TOP1MT: variants seen among roughly 807,000 people sequenced by gnomAD.
The protein encoded by TOP1MT is DNA topoisomerase I mitochondrial, also known as DNA topoisomerase I, mitochondrial.
TOP1MT carries 80 observed loss-of-function variants against 73.9 expected under a neutral mutation model. That is an observed-to-expected ratio of 1.08 (90% CI 0.90 to 1.30). The LOEUF (loss-of-function observed/expected upper bound fraction) is 1.30, where lower values mean the gene tolerates loss of function less well. TOP1MT is among the 50% of genes most tolerant of loss of function. The probability of loss-of-function intolerance (pLI) is 0.00; values close to 1 mark genes in which losing one functional copy is unlikely to be tolerated. For missense variants in TOP1MT, 815 were observed against 808.0 expected (o/e 1.01, Z -0.10); for synonymous variants, 338 against 326.4 (o/e 1.04, Z -0.38).
upstream of TOP1MT, among the ~76,000 whole-genome samples, chr8:143,335,703 T>C (rs1816970533): frequency 6.6e-6 from 1 of 152,182 alleles, no homozygotes; most frequent in Admixed American, 6.5e-5. Context: ...ACCAGGACCG[T>C]GGGAAGCAGA....
intron 2 of TOP1MT, among the ~76,000 whole-genome samples, chr8:143,330,802 C>T (rs887066078): frequency 5.3e-5 from 8 of 152,154 alleles, no homozygotes; most frequent in African/African-American, 1.2e-4. Context: ...GGTGGCTCAG[C>T]GCTCATGTCA....
chr8:143,351,388 C>T (rs1055101100), intron 1 of TOP1MT, among the ~76,000 whole-genome samples: 1 of 152,060 alleles, frequency 6.6e-6, no homozygotes, highest in African/African-American at 2.4e-5. Context: ...GCCCAGCCAA[C>T]ATGGCGAAAC....
chr8:143,342,472 T>G (rs1314179883), intron 2 of TOP1MT, among the ~76,000 whole-genome samples: 1 of 123,968 alleles, frequency 8.1e-6, no homozygotes, highest in Non-Finnish European at 1.5e-5. Flanking sequence ...GCTCTGTTAT[T>G]ATTATTATTA....
In TOP1MT at chr8:143,332,607, A is replaced by AG. The variant is rs1168497482; in HGVS notation, c.123-1269dup. 3.1e-6 allele frequency: 4 copies of AG among 1,277,492 alleles called. No individual in the cohort carries two copies. In the Admixed American group the frequency reaches 6.9e-5, roughly 22 times the overall value. 79.1% of individuals were successfully genotyped at this position (1,277,492 alleles called of 1,614,324 possible). A position where few individuals can be genotyped will look rare whatever the true frequency, so the allele number is the denominator to read the frequency against. On this transcript the variant is annotated intron_variant, in intron 1 of 13. Coordinates refer to ENST00000329245, the MANE Select transcript of TOP1MT (RefSeq NM_052963.3). The stretch of plus-strand genomic sequence containing the variant: ...ACAGGAAGTCTCTGAAGGGTCTGAG[A>AG]GGGGAAAGCATGTGCAACAGACATT...
chr8:143,331,347 CG>C lies in TOP1MT; in HGVS notation c.123-9del, dbSNP rs1438543494. Reference sequence around the variant, plus strand: ...TGCTTCTCCTTCTCCCACCTAAAGACGGAGACAGGACGTGTCACTCTCCTGG... The same window carrying C: ...TGCTTCTCCTTCTCCCACCTAAAGACGAGACAGGACGTGTCACTCTCCTGG... On this transcript the variant is annotated splice_polypyrimidine_tract_variant and intron_variant, in intron 1 of 13. Transcript: ENST00000329245. 1 of 1,607,568 alleles carries C rather than the reference CG, an allele frequency of 6.2e-7. No individual in the cohort carries two copies. The highest frequency in any genetic ancestry group is 1.7e-5 in the Admixed American group (1 of 59,694).
chr8:143,317,190 A>G (rs1318302011), intron 10 of TOP1MT, among the ~76,000 whole-genome samples: 3 of 152,200 alleles, frequency 2.0e-5, no homozygotes, highest in Non-Finnish European at 2.9e-5. Flanking sequence ...GACATCACAG[A>G]GCAGCCCGGA....
chr8:143,315,265 TCCTGTACA>T (rs921557475), intron 12 of TOP1MT, among the ~76,000 whole-genome samples: 1 of 152,204 alleles, frequency 6.6e-6, no homozygotes, highest in African/African-American at 2.4e-5. Flanking sequence ...TCATGTTCCA[TCCTGTACA>T]CCTGGCTCTG....
chr8:143,322,917 A>ACACGCACGCCACACACGCACGC (rs2130147782), intron 7 of TOP1MT, among the ~76,000 whole-genome samples: 1 of 10,920 alleles, frequency 9.2e-5, no homozygotes, highest in Non-Finnish European at 1.9e-4. Context: ...CACGCACGCC[A>ACACGCACGCCACACACGCACGC]CACACGCACG....
At chr8:143,357,759 T>C (rs1817435601), upstream of TOP1MT, among the ~76,000 whole-genome samples, 1 of 151,914 alleles carries the variant, frequency 6.6e-6, no homozygotes, top group African/African-American at 2.4e-5. Flanking sequence ...ACGTATCTAC[T>C]AAAAATACAA....
At chr8:143,329,601 T>C (rs1334331974) in intron 2 of TOP1MT, 130 bp from the exon 3 acceptor site, 8 of 1,094,944 alleles carry the variant, frequency 7.3e-6, no homozygotes, top group Admixed American at 2.8e-5. Context: ...GGCCTTCTTC[T>C]GTAAGTTCAG....
chr8:143,348,338 A>G (rs1265392317), upstream of TOP1MT, among the ~76,000 whole-genome samples: 2 of 152,166 alleles, frequency 1.3e-5, no homozygotes, highest in Non-Finnish European at 2.9e-5. The surrounding 1 kb of genome is among the most constrained non-coding windows in gnomAD (Gnocchi z 4.6). Flanking sequence ...AAGAGAATTG[A>G]TAGAAAACCC....
chr8:143,341,947 GTTATTA>G lies in TOP1MT; in HGVS notation c.29+1267_29+1272del, dbSNP rs1239993110. Among the ~76,000 whole-genome samples, 1 of 146,734 alleles carries G rather than the reference GTTATTA, an allele frequency of 6.8e-6. No individual in the cohort carries two copies. The highest frequency in any genetic ancestry group is 1.5e-5 in the Non-Finnish European group (1 of 66,904). On this transcript the variant is annotated intron_variant, in intron 2 of 5. Coordinates refer to the TOP1MT transcript ENST00000518007. This position sits in a 1 kb window ranked among gnomAD's most constrained non-coding sequence, Gnocchi z 4.1. ...TATTATTGAGACAGAGTCTCGCTCT[GTTATTA>G]TTATTATTAGAGACAGAGTCTCGCT...
At chr8:143,324,916 C>T (rs763422037) in intron 5 of TOP1MT, among the ~76,000 whole-genome samples, 6 of 152,228 alleles carry the variant, frequency 3.9e-5, no homozygotes, top group Non-Finnish European at 5.9e-5. Context: ...ACGACGAGTG[C>T]CCTGCCCCAC....
At chr8:143,322,485 CCACACGCACGCCA>C (rs1816476841) in intron 7 of TOP1MT, among the ~76,000 whole-genome samples, 1 of 97,122 alleles carries the variant, frequency 1.0e-5, no homozygotes, top group African/African-American at 4.0e-5. Flanking sequence ...CACAGGCACG[CCACACGCACGCCA>C]CACACACAGG....
At chr8:143,315,897 C>A in intron 11 of TOP1MT, 76 bp from the exon 12 acceptor site, 1 of 1,605,762 alleles carries the variant, frequency 6.2e-7, no homozygotes, top group Admixed American at 1.7e-5. Flanking sequence ...CTTCCACACC[C>A]TACGTGCCCA....
At chr8:143,320,248 C>T (rs1455759800) in intron 8 of TOP1MT, among the ~76,000 whole-genome samples, 3 of 152,064 alleles carry the variant, frequency 2.0e-5, no homozygotes, top group Non-Finnish European at 4.4e-5. Context: ...CCTGCCTCAG[C>T]CTCTCAAGTA....
Position 143,324,162 on chromosome 8 carries a change from G to C in TOP1MT, c.817-20C>G. ...CTCCCCCTAAACGAAGAAAATAACA[G>C]GAAAGAAAACATTCACATTCCTGTT... On this transcript the variant is annotated intron_variant, in intron 6 of 13. Coordinates refer to ENST00000329245, the MANE Select transcript of TOP1MT (RefSeq NM_052963.3). The C allele has an allele frequency of 6.2e-7, 1 of 1,611,782 alleles. No individual in the cohort carries two copies.
At chr8:143,322,427 TGCACACCACAC>T (rs1816470168) in intron 7 of TOP1MT, among the ~76,000 whole-genome samples, 1 of 43,224 alleles carries the variant, frequency 2.3e-5, no homozygotes, top group Non-Finnish European at 4.0e-5. Context: ...GCCACACACA[TGCACACCACAC>T]GCACGCCACA....
At chr8:143,316,413 G>C (rs1453353117) in intron 10 of TOP1MT, among the ~76,000 whole-genome samples, 1 of 152,160 alleles carries the variant, frequency 6.6e-6, no homozygotes, top group Admixed American at 6.5e-5. Context: ...CAGCCGCCTG[G>C]ACGGGCGAGT....
Sources: allele counts gnomAD v4.1 joint callset (sites outside exome capture counted in the v4.1 genomes callset), GRCh38; gene constraint gnomAD v4.1.1; non-coding constraint Gnocchi (gnomAD v3.1); transcripts MANE v1.5; gene names NCBI Gene and HGNC (gene_info 2026-07-23, HGNC 2026-07-21).